Variants in UTRN observed in about 807,000 individuals in gnomAD.
The protein encoded by UTRN is utrophin.
A neutral mutation model predicts 463.9 loss-of-function variants in UTRN; 283 were observed. That is an observed-to-expected ratio of 0.61 (90% CI 0.55 to 0.67). The LOEUF (loss-of-function observed/expected upper bound fraction) is 0.67. Ranked by LOEUF, UTRN falls within the 30% of genes least tolerant of loss-of-function variation. The pLI is 0.00. For synonymous variants in UTRN, 1,442 were observed against 1,431.5 expected, an observed-to-expected ratio of 1.01 and a Z score of -0.17; for missense variants, 3,922 against 4,084.3, an observed-to-expected ratio of 0.96 and a Z score of 1.08.
intron 63 of UTRN, among the ~76,000 whole-genome samples, chr6:144,797,447 G>A (rs1306564255): frequency 2.6e-5 from 4 of 151,980 alleles, no homozygotes; most frequent in Non-Finnish European, 5.9e-5. Context: ...CGCTTGCCTC[G>A]GCCTCCCAAA....
At chr6:144,321,628 C>A (rs1339031001) in intron 2 of UTRN, among the ~76,000 whole-genome samples, 1 of 151,702 alleles carries the variant, frequency 6.6e-6, no homozygotes, top group Admixed American at 6.6e-5. Context: ...TACCACCATG[C>A]CCGGCTAATT....
At chr6:144,449,753 G>A (rs1788066138) in intron 17 of UTRN, among the ~76,000 whole-genome samples, 1 of 152,204 alleles carries the variant, frequency 6.6e-6, no homozygotes, top group South Asian at 2.1e-4. Flanking sequence ...CAGCAATAAC[G>A]ACTTGTGCCA....
In UTRN at chr6:144,793,998, A is replaced by C. The variant is rs200996379; in HGVS notation, c.9078+7A>C. ...TCGCAGCTGCTTCCAACAGGTAAGC[A>C]TGAAGGATCACTGGTGTGTAGGATG... On this transcript the variant is annotated splice_region_variant and intron_variant, in intron 63 of 74. Coordinates refer to ENST00000367545, the MANE Select transcript of UTRN (RefSeq NM_007124.3). 757 of 1,613,432 alleles carry C rather than the reference A, an allele frequency of 4.7e-4. 1 individual carries two copies. Among genetic ancestry groups the C allele is most frequent in the South Asian group, 6.0e-4 (55 of 91,024 alleles).
intron 53 of UTRN, among the ~76,000 whole-genome samples, chr6:144,712,032 G>A (rs1031503226): frequency 5.9e-5 from 9 of 152,108 alleles, no homozygotes; most frequent in Non-Finnish European, 8.8e-5. Flanking sequence ...TAAAGTAATC[G>A]GAGACTCTGC....
Position 144,825,575 on chromosome 6 carries a change from G to T in UTRN, c.9495-1773G>T, listed in dbSNP as rs115547616. Among the ~76,000 whole-genome samples, 10 of 152,068 alleles carry T rather than the reference G, an allele frequency of 6.6e-5. No homozygotes were observed. In the South Asian group the frequency reaches 1.0e-3, roughly 16 times the overall value. On this transcript the variant is annotated intron_variant, in intron 66 of 74. Coordinates refer to ENST00000367545, the MANE Select transcript of UTRN (RefSeq NM_007124.3). ...TTGCCATTCTCATTTTTTAGGTCAT[G>T]GATCACTTTTGTGCTAACTGGATTA...
chr6:144,751,654 A>G (rs1412059587), intron 55 of UTRN, 152 bp from the exon 56 acceptor site: 3 of 629,786 alleles, frequency 4.8e-6, no homozygotes, highest in African/African-American at 3.8e-5. Flanking sequence ...GTTGAAAAAA[A>G]TCTGTGCATA....
chr6:144,374,879 G>T (rs1780318008), intron 2 of UTRN, among the ~76,000 whole-genome samples: 1 of 150,210 alleles, frequency 6.7e-6, no homozygotes, highest in African/African-American at 2.4e-5. Context: ...CTGGGAGGCG[G>T]AGGTTGCAGT....
chr6:144,672,075 G>A (rs1006604084), intron 51 of UTRN, among the ~76,000 whole-genome samples: 3 of 151,938 alleles, frequency 2.0e-5, no homozygotes, highest in African/African-American at 7.3e-5. Context: ...TGTTTTTGAG[G>A]ATTTTTGCAT....
At chr6:144,682,985 GAGA>G (rs1043767371) in intron 52 of UTRN, among the ~76,000 whole-genome samples, 1 of 152,060 alleles carries the variant, frequency 6.6e-6, no homozygotes, top group Non-Finnish European at 1.5e-5. Flanking sequence ...GGGGATTTCT[GAGA>G]AGGTCTCCCA....
At chr6:144,440,921 A>AG (rs1328724811) in intron 13 of UTRN, among the ~76,000 whole-genome samples, 7 of 152,178 alleles carry the variant, frequency 4.6e-5, no homozygotes, top group Non-Finnish European at 1.0e-4. Context: ...GAGCTTGTGC[A>AG]GGGAAACTCC....
chr6:144,493,414 G>T lies in UTRN; in HGVS notation c.4551G>T (p.Gln1517His). Residue 1517 changes from glutamine to histidine, a missense_variant, in exon 33 of 75, where the codon CAG (glutamine) becomes CAT (histidine). Coordinates refer to ENST00000367545, the MANE Select transcript of UTRN (RefSeq NM_007124.3). ...QTDNPKGMDEQLTSLKVLYND... is the reference protein window; with the variant it reads ...QTDNPKGMDEHLTSLKVLYND... The stretch of plus-strand genomic sequence containing the variant: ...ACAACCCAAAAGGGATGGATGAGCA[G>T]CTGACTTCCCTGAAGGTTCTTTACA... 1 of 1,614,064 alleles carries T rather than the reference G, an allele frequency of 6.2e-7. No homozygotes were observed. Among genetic ancestry groups the T allele is most frequent in the Non-Finnish European group, 8.5e-7 (1 of 1,179,944 alleles).
At chr6:144,508,294 A>G (rs969101001) in intron 34 of UTRN, among the ~76,000 whole-genome samples, 2 of 151,976 alleles carry the variant, frequency 1.3e-5, no homozygotes, top group Non-Finnish European at 2.9e-5. Flanking sequence ...GTGAAAAAAA[A>G]CAAACAAACA....
intron 21 of UTRN, 27 bp from the exon 22 acceptor site, chr6:144,461,170 T>C: frequency 6.5e-7 from 1 of 1,541,922 alleles, no homozygotes; most frequent in Non-Finnish European, 8.7e-7. Context: ...TATGATTTTT[T>C]CAAACTAAAT....
intron 2 of UTRN, among the ~76,000 whole-genome samples, chr6:144,318,100 C>T (rs1262944965): frequency 6.6e-6 from 1 of 151,922 alleles, no homozygotes; most frequent in Non-Finnish European, 1.5e-5. Context: ...ACTGAAAATA[C>T]TTTGCACTGT....
chr6:144,657,886 T>A (rs1415369719), intron 51 of UTRN, among the ~76,000 whole-genome samples: 1 of 152,134 alleles, frequency 6.6e-6, no homozygotes, highest in African/African-American at 2.4e-5. Flanking sequence ...TTATTTATTT[T>A]TTTGTGTGTG....
intron 58 of UTRN, among the ~76,000 whole-genome samples, chr6:144,760,116 C>G (rs889380287): frequency 2.0e-5 from 3 of 151,916 alleles, no homozygotes; most frequent in Non-Finnish European, 2.9e-5. Flanking sequence ...AAATGAATTT[C>G]TATATGTTTA....
chr6:144,688,172 C>A (rs1562767502), intron 52 of UTRN, among the ~76,000 whole-genome samples: 1 of 152,100 alleles, frequency 6.6e-6, no homozygotes, highest in African/African-American at 2.4e-5. Flanking sequence ...TCTATTAAAA[C>A]TTTCCACTGC....
rs150504156 is a variant in UTRN, at chr6:144,510,990, T to C, written c.4811T>C (p.Ile1604Thr). ...LEKRKADLNT[I>T]TESSAALQNL... Reference sequence around the variant, plus strand: ...AAGAGAAAAGCTGATTTAAATACCATCACAGAGAGTAGTGCTGCCCTGCAA... The same window carrying C: ...AAGAGAAAAGCTGATTTAAATACCACCACAGAGAGTAGTGCTGCCCTGCAA... Residue 1604 changes from isoleucine to threonine, a missense_variant, in exon 35 of 75, where the codon ATC (isoleucine) becomes ACC (threonine). Ile to Thr is a moderately conservative substitution (Grantham distance 89). Transcript: ENST00000367545. The C allele has an allele frequency of 6.2e-7, 1 of 1,611,340 alleles. No homozygotes were observed. The highest frequency in any genetic ancestry group is 8.5e-7 in the Non-Finnish European group (1 of 1,178,272).
chr6:144,736,170 T>A (rs1243842405), intron 54 of UTRN, among the ~76,000 whole-genome samples: 1 of 152,202 alleles, frequency 6.6e-6, no homozygotes, highest in Non-Finnish European at 1.5e-5. Context: ...CCATAATAGC[T>A]TTTATACTTT....
Sources: gnomAD v4.1 joint callset for allele counts (sites outside exome capture counted in the v4.1 genomes callset) on GRCh38, gnomAD v4.1.1 for gene constraint, MANE v1.5 for transcripts, NCBI Gene and HGNC (gene_info 2026-07-23, HGNC 2026-07-21) for gene names.